Variants in CACNA2D3 observed in about 807,000 individuals in gnomAD.
CACNA2D3 encodes the protein voltage-dependent calcium channel subunit alpha-2/delta-3.
Under a neutral mutation model 160.6 loss-of-function variants are expected in CACNA2D3, and 60 were observed. The ratio of observed to expected loss-of-function variants is 0.37; its 90% CI spans 0.30 to 0.46. The LOEUF is 0.46. Among genes scored for constraint, CACNA2D3 ranks in the 20% least tolerant of loss-of-function variants. CACNA2D3 has a pLI of 1.00. For missense variants in CACNA2D3, 1,205 were observed against 1,365.0 expected (o/e 0.88, Z 1.85); for synonymous variants, 558 against 492.9 (o/e 1.13, Z -1.75).
intron 27 of CACNA2D3, among the ~76,000 whole-genome samples, chr3:54,938,044 A>T (rs1701373939): frequency 6.6e-6 from 1 of 152,246 alleles, no homozygotes; most frequent in South Asian, 2.1e-4. Flanking sequence ...CACAAGCATT[A>T]TGAAATCCCC....
chr3:54,909,704 C>A (rs956217445), intron 27 of CACNA2D3, among the ~76,000 whole-genome samples: 1 of 141,674 alleles, frequency 7.1e-6, no homozygotes, highest in African/African-American at 2.7e-5. Flanking sequence ...ATTTTGTGTG[C>A]AACACAGGTG....
chr3:54,281,579 T>G (rs1702883036), intron 2 of CACNA2D3, among the ~76,000 whole-genome samples: 2 of 152,214 alleles, frequency 1.3e-5, no homozygotes, highest in African/African-American at 4.8e-5. Context: ...CGAACAGATG[T>G]GTGCCCACCA....
intron 2 of CACNA2D3, among the ~76,000 whole-genome samples, chr3:54,266,974 A>T (rs1702529354): frequency 6.6e-6 from 1 of 152,132 alleles, no homozygotes; most frequent in South Asian, 2.1e-4. Flanking sequence ...TGCCTTGAGC[A>T]TGGAGCTTGG....
chr3:54,946,285 C>T (rs1035294014), intron 27 of CACNA2D3, among the ~76,000 whole-genome samples: 7 of 152,152 alleles, frequency 4.6e-5, no homozygotes. Flanking sequence ...TTGAGTGCCC[C>T]CTCTTATACT....
At chr3:54,536,375 T>C (rs975688870) in intron 5 of CACNA2D3, among the ~76,000 whole-genome samples, 1 of 152,212 alleles carries the variant, frequency 6.6e-6, no homozygotes, top group Admixed American at 6.5e-5. Flanking sequence ...GTGTTTGGAA[T>C]ATTTATGGTT....
At chr3:54,634,871 T>C (rs1699329932) in intron 10 of CACNA2D3, among the ~76,000 whole-genome samples, 1 of 152,242 alleles carries the variant, frequency 6.6e-6, no homozygotes, top group African/African-American at 2.4e-5. Context: ...CTTCAGGCCA[T>C]CTGGGCATAT....
intron 2 of CACNA2D3, among the ~76,000 whole-genome samples, chr3:54,210,891 G>A (rs903881727): frequency 7.9e-5 from 12 of 152,142 alleles, no homozygotes; most frequent in African/African-American, 2.9e-4. Flanking sequence ...CTGAGAAGGG[G>A]GACTGGGTAC....
Position 54,642,163 on chromosome 3 carries a change from G to A in CACNA2D3, c.1089G>A (p.Gln363=), listed in dbSNP as rs745398194. ...CGGGACAAGGAAGTATCTGCAGTCA[G>A]GCCATCATGCTCATAACTGATGGGG... ...NHTGQGSICS[Q]AIMLITDGAV... The change falls in exon 11 of 38, where the codon CAG becomes CAA. Residue 363 remains glutamine, a synonymous_variant. Transcript: ENST00000474759. The A allele has an allele frequency of 6.2e-7, 1 of 1,613,034 alleles. No individual in the cohort carries two copies. Among genetic ancestry groups the A allele is most frequent in the South Asian group, 1.1e-5 (1 of 90,792 alleles).
At chr3:54,711,172 TTC>T (rs1485911755) in intron 11 of CACNA2D3, among the ~76,000 whole-genome samples, 3 of 152,182 alleles carry the variant, frequency 2.0e-5, no homozygotes, top group Non-Finnish European at 4.4e-5. Flanking sequence ...TGAGCCAGCT[TTC>T]TCTCGCATAA....
chr3:54,874,046 A>T (rs1699604416), intron 18 of CACNA2D3, among the ~76,000 whole-genome samples: 1 of 152,208 alleles, frequency 6.6e-6, no homozygotes, highest in Non-Finnish European at 1.5e-5. Context: ...GTCTGCCCAG[A>T]TGCAGAGAAT....
At chr3:54,883,866 T>C (rs1011486145) in intron 21 of CACNA2D3, among the ~76,000 whole-genome samples, 3 of 145,844 alleles carry the variant, frequency 2.1e-5, no homozygotes, top group East Asian at 4.3e-4. Context: ...GTCCTCCCTG[T>C]TCTTGTTCCA....
intron 31 of CACNA2D3, among the ~76,000 whole-genome samples, chr3:55,001,029 C>A (rs1028953196): frequency 1.3e-5 from 2 of 152,090 alleles, no homozygotes; most frequent in African/African-American, 4.8e-5. Context: ...ACTTGGTTTT[C>A]CCCTCTGTAA....
rs184726237 is a variant in CACNA2D3, at chr3:55,026,805, A to G, written c.2987+8488A>G. ...GAACTAGTCCTTTGAAGGACTTCAA[A>G]TGCTAACTACCCTGACACCGGTATG... On this transcript the variant is annotated intron_variant, in intron 35 of 37. Coordinates refer to ENST00000474759, the MANE Select transcript of CACNA2D3 (RefSeq NM_018398.3). Among the ~76,000 whole-genome samples, 106 of 152,290 alleles carry G rather than the reference A, an allele frequency of 7.0e-4. No homozygotes were observed. In the East Asian group the frequency reaches 0.013, roughly 19 times the overall value.
At chr3:54,397,339 T>A (rs1575432346) in intron 4 of CACNA2D3, among the ~76,000 whole-genome samples, 1 of 66,302 alleles carries the variant, frequency 1.5e-5, no homozygotes, top group African/African-American at 6.4e-5. Context: ...TGATTTTAGT[T>A]ATTTCTTGAC....
At chr3:54,452,172 T>G (rs1407389720) in intron 4 of CACNA2D3, among the ~76,000 whole-genome samples, 1 of 152,184 alleles carries the variant, frequency 6.6e-6, no homozygotes, top group Admixed American at 6.5e-5. Flanking sequence ...GACCTCCAGT[T>G]CAGCATGGCT....
chr3:54,947,270 C>T (rs1241964761), intron 27 of CACNA2D3, among the ~76,000 whole-genome samples: 2 of 152,162 alleles, frequency 1.3e-5, no homozygotes, highest in Non-Finnish European at 2.9e-5. Flanking sequence ...TCTATGCTGC[C>T]TCTTAACTTT....
At position 54,811,465 on chromosome 3, in the gene CACNA2D3, CTTTTTTTTTTTTTTTTTTTTTTTTTTTT is replaced by C. The variant is rs71096451; in HGVS notation, c.1381-5365_1381-5338del. On this transcript the variant is annotated intron_variant, in intron 13 of 37. Coordinates refer to ENST00000474759, the MANE Select transcript of CACNA2D3 (RefSeq NM_018398.3). Reference sequence around the variant, plus strand: ...GTGCTGATCCTGTTCTCCCTCAGTTCTTTTTTTTTTTTTTTTTTTTTTTTTTTTTTTTTTTTTTTTTTTTTTTTTTGAG... The same window carrying C: ...GTGCTGATCCTGTTCTCCCTCAGTTCTTTTTTTTTTTTTTTTTTTTTTGAG... Among the ~76,000 whole-genome samples the C allele has an allele frequency of 3.3e-3, 369 of 111,544 alleles. 3 individuals are homozygous for C. Among genetic ancestry groups the C allele is most frequent in the African/African-American group, 9.0e-3 (265 of 29,454 alleles). The allele number at this position is 111,544 out of a possible 152,430, so 73.2% of individuals were successfully genotyped here.
At chr3:54,766,997 A>C (rs1702237719) in intron 13 of CACNA2D3, among the ~76,000 whole-genome samples, 1 of 151,398 alleles carries the variant, frequency 6.6e-6, no homozygotes, top group Non-Finnish European at 1.5e-5. Context: ...AGAACTGGTT[A>C]CCAACAGAAC....
chr3:54,964,002 A>G (rs1403910162), intron 27 of CACNA2D3, among the ~76,000 whole-genome samples: 1 of 152,230 alleles, frequency 6.6e-6, no homozygotes, highest in Non-Finnish European at 1.5e-5. Flanking sequence ...CAGATAGTTC[A>G]AAAGAGAGGT....
Sources: allele counts gnomAD v4.1 joint callset (sites outside exome capture counted in the v4.1 genomes callset), GRCh38; gene constraint gnomAD v4.1.1; transcripts MANE v1.5; gene names NCBI Gene and HGNC (gene_info 2026-07-23, HGNC 2026-07-21).